Variants in ARFIP1 observed in about 807,000 individuals in gnomAD.
ARFIP1 encodes the protein ARF interacting protein 1, also known as arfaptin-1.
In ARFIP1, 24 loss-of-function variants were observed where a neutral mutation model predicts 42.5. The ratio of observed to expected loss-of-function variants is 0.57; its 90% CI spans 0.41 to 0.80. The LOEUF (loss-of-function observed/expected upper bound fraction) is 0.80, where lower values mean the gene tolerates loss of function less well. Among genes scored for constraint, ARFIP1 ranks in the 30% least tolerant of loss-of-function variants. The pLI is 0.00. For missense variants in ARFIP1, 354 were observed against 434.0 expected (o/e 0.82, Z 1.64); for synonymous variants, 141 against 153.7 (o/e 0.92, Z 0.61).
intron 2 of ARFIP1, among the ~76,000 whole-genome samples, chr4:152,844,831 G>A (rs779526463): frequency 1.3e-5 from 2 of 151,954 alleles, no homozygotes; most frequent in Non-Finnish European, 2.9e-5. Flanking sequence ...TAAACTGCCA[G>A]TATCATTTTT....
intron 1 of ARFIP1, among the ~76,000 whole-genome samples, chr4:152,827,787 C>T (rs145225839): frequency 2.0e-3 from 306 of 152,198 alleles, no homozygotes; most frequent in Non-Finnish European, 3.6e-3. Context: ...ATGATCCTCC[C>T]ACCCCAGCCT....
At chr4:152,804,222 T>TATAAGATGTATTATATATTTATAAC (rs1331325771) in intron 1 of ARFIP1, among the ~76,000 whole-genome samples, 2 of 48,148 alleles carry the variant, frequency 4.2e-5, no homozygotes, top group South Asian at 1.3e-3. Context: ...TTATATATAA[T>TATAAGATGTATTATATATTTATAAC]ATAACATGTA....
At chr4:152,833,841 A>G (rs1317111554) in intron 2 of ARFIP1, among the ~76,000 whole-genome samples, 1 of 152,216 alleles carries the variant, frequency 6.6e-6, no homozygotes. Flanking sequence ...ATTCATAGAA[A>G]CAGATAGTAG....
At chr4:152,898,277 C>T (rs921681510) in intron 8 of ARFIP1, among the ~76,000 whole-genome samples, 7 of 152,006 alleles carry the variant, frequency 4.6e-5, no homozygotes, top group Admixed American at 1.3e-4. Context: ...CCACTGCGCC[C>T]GGCTGCAATG....
At chr4:152,866,063 T>C (rs1734304187) in intron 3 of ARFIP1, among the ~76,000 whole-genome samples, 1 of 151,908 alleles carries the variant, frequency 6.6e-6, no homozygotes, top group Non-Finnish European at 1.5e-5. Context: ...TAGGGAGTGG[T>C]GATGACTCTT....
chr4:152,866,767 C>G, intron 3 of ARFIP1, among the ~76,000 whole-genome samples: 1 of 151,338 alleles, frequency 6.6e-6, no homozygotes, highest in East Asian at 2.0e-4. Flanking sequence ...GGAGGGTCTC[C>G]TCACTTCTCA....
intron 1 of ARFIP1, among the ~76,000 whole-genome samples, chr4:152,823,249 C>T (rs561947498): frequency 1.7e-4 from 26 of 152,168 alleles, no homozygotes; most frequent in African/African-American, 5.8e-4. Context: ...AAACATCATT[C>T]GAGACTACTG....
intron 1 of ARFIP1, among the ~76,000 whole-genome samples, chr4:152,784,249 T>C (rs1430504819): frequency 6.6e-6 from 1 of 152,248 alleles, no homozygotes; most frequent in Non-Finnish European, 1.5e-5. Flanking sequence ...ACTATTGGCC[T>C]GAAAATAATT....
chr4:152,826,127 T>C (rs1730816408), intron 1 of ARFIP1, among the ~76,000 whole-genome samples: 1 of 152,190 alleles, frequency 6.6e-6, no homozygotes, highest in Non-Finnish European at 1.5e-5. Flanking sequence ...CACTACTGGG[T>C]ATCTACCCAA....
rs74979807 is a variant in ARFIP1, at chr4:152,884,289, T to C, written c.791+1409T>C. Reference sequence around the variant, plus strand: ...AATAACATTCTCAGTAATTGGTGTTTCAGTCTCAGTGTAAATCCTTTCATG... The same window carrying C: ...AATAACATTCTCAGTAATTGGTGTTCCAGTCTCAGTGTAAATCCTTTCATG... On this transcript the variant is annotated intron_variant, in intron 7 of 8. Coordinates refer to ENST00000353617, the MANE Select transcript of ARFIP1 (RefSeq NM_001025595.3). 7.2e-5 allele frequency among the ~76,000 whole-genome samples: 11 copies of C among 152,142 alleles called. No homozygotes were observed. The East Asian group carries it at 2.1e-3, about 29-fold the overall frequency.
At chr4:152,905,134 AAGCTATTACAAGTAC>A (rs1450031402) in intron 8 of ARFIP1, among the ~76,000 whole-genome samples, 10 of 152,160 alleles carry the variant, frequency 6.6e-5, no homozygotes, top group African/African-American at 2.2e-4. Flanking sequence ...TTTCAGTTTT[AAGCTATTACAAGTAC>A]AGCTATTATG....
rs573316838 is a variant in ARFIP1, at chr4:152,855,705, C to A, written c.94-7901C>A. Among the ~76,000 whole-genome samples the A allele has an allele frequency of 3.3e-5, 5 of 152,328 alleles. No individual in the cohort carries two copies. The South Asian group carries it at 1.0e-3, about 32-fold the overall frequency. Reference sequence around the variant, plus strand: ...CCCAGAGTGAGCTTCCTTTCTGGGGCAGTGCCATCACACAATCTCCTGGCA... The same window carrying A: ...CCCAGAGTGAGCTTCCTTTCTGGGGAAGTGCCATCACACAATCTCCTGGCA... On this transcript the variant is annotated intron_variant, in intron 2 of 8. Transcript: ENST00000353617.
intron 2 of ARFIP1, among the ~76,000 whole-genome samples, chr4:152,836,134 C>T (rs370539659): frequency 3.9e-5 from 6 of 152,140 alleles, no homozygotes; most frequent in South Asian, 2.1e-4. Context: ...TGAAGAGGTG[C>T]GGGAGGAAGA....
At chr4:152,909,796 T>C (rs1433724629) in intron 8 of ARFIP1, among the ~76,000 whole-genome samples, 5 of 152,218 alleles carry the variant, frequency 3.3e-5, no homozygotes, top group African/African-American at 4.8e-5. Flanking sequence ...TAATTAATCC[T>C]CTCAATAATG....
chr4:152,904,475 G>A (rs1040067373), intron 8 of ARFIP1, among the ~76,000 whole-genome samples: 4 of 151,814 alleles, frequency 2.6e-5, no homozygotes, highest in African/African-American at 9.7e-5. Context: ...TAGGTGTGAG[G>A]CACCGCACCT....
In ARFIP1 at chr4:152,910,208, G is replaced by A. The variant is rs1281251300; in HGVS notation, c.1111G>A (p.Glu371Lys). The A allele has an allele frequency of 6.2e-7, 1 of 1,611,898 alleles. No homozygotes were observed. The highest frequency in any genetic ancestry group is 1.1e-5 in the South Asian group (1 of 90,406). The change falls in exon 9 of 9, where the codon GAA becomes AAA. Residue 371 changes from glutamate (E) to lysine (K), a missense_variant. By Grantham distance (56) the Glu-to-Lys change is moderately conservative. Coordinates refer to ENST00000353617, the MANE Select transcript of ARFIP1 (RefSeq NM_001025595.3). Reference sequence around the variant, plus strand: ...TGGAGTGGATGCCCCATCTTGGCTTGAAGAACAGTAAAATCACAGCGGAAA... The same window carrying A: ...TGGAGTGGATGCCCCATCTTGGCTTAAAGAACAGTAAAATCACAGCGGAAA... ...TPGVDAPSWL[E>K]EQ
chr4:152,824,663 C>T (rs1169122194), intron 1 of ARFIP1, among the ~76,000 whole-genome samples: 1 of 152,038 alleles, frequency 6.6e-6, no homozygotes, highest in African/African-American at 2.4e-5. Flanking sequence ...TGCTTCTATT[C>T]AACATATTAT....
intron 1 of ARFIP1, among the ~76,000 whole-genome samples, chr4:152,786,345 A>G (rs1730808159): frequency 6.6e-6 from 1 of 152,180 alleles, no homozygotes; most frequent in African/African-American, 2.4e-5. Context: ...CCCTCCCTAC[A>G]AAACTGCACA....
At chr4:152,792,573 G>A (rs902319539) in intron 1 of ARFIP1, among the ~76,000 whole-genome samples, 1 of 152,096 alleles carries the variant, frequency 6.6e-6, no homozygotes, top group African/African-American at 2.4e-5. Flanking sequence ...CAACACTCCT[G>A]CCACAGATCC....
Sources: allele counts gnomAD v4.1 joint callset (sites outside exome capture counted in the v4.1 genomes callset), GRCh38; gene constraint gnomAD v4.1.1; transcripts MANE v1.5; gene names NCBI Gene and HGNC (gene_info 2026-07-23, HGNC 2026-07-21).